ATRNL1: variants seen among roughly 807,000 people sequenced by gnomAD.
The protein encoded by ATRNL1 is attractin-like protein 1.
In ATRNL1, 95 loss-of-function variants were observed where a neutral mutation model predicts 182.7. The observed-to-expected ratio is 0.52, with a 90% confidence interval of 0.44 to 0.62. The LOEUF is 0.62. ATRNL1 is among the 20% of genes least tolerant of loss of function. ATRNL1 has a pLI of 0.00. For synonymous variants in ATRNL1, 576 were observed against 568.3 expected (o/e 1.01, Z -0.19); for missense variants, 1,471 against 1,679.5 (o/e 0.88, Z 2.17).
chr10:115,439,429 T>A (rs1554965303), intron 21 of ATRNL1, among the ~76,000 whole-genome samples: 1 of 151,736 alleles, frequency 6.6e-6, no homozygotes, highest in African/African-American at 2.4e-5. Flanking sequence ...GGCCCAATAG[T>A]GGAAATACTG....
At chr10:115,396,343 A>C (rs1301290477) in intron 20 of ATRNL1, among the ~76,000 whole-genome samples, 5 of 151,934 alleles carry the variant, frequency 3.3e-5, no homozygotes, top group Non-Finnish European at 7.4e-5. Flanking sequence ...TGCAACACTA[A>C]AGCTTGATTA....
At chr10:115,672,739 AT>A (rs1555041839) in intron 26 of ATRNL1, among the ~76,000 whole-genome samples, 1 of 152,132 alleles carries the variant, frequency 6.6e-6, no homozygotes, top group African/African-American at 2.4e-5. Context: ...AAGTTGTTAC[AT>A]TGGCCAATTT....
At chr10:115,674,657 C>G (rs968872426) in intron 26 of ATRNL1, among the ~76,000 whole-genome samples, 15 of 151,994 alleles carry the variant, frequency 9.9e-5, no homozygotes, top group African/African-American at 3.6e-4. Flanking sequence ...AGACTTTCTT[C>G]AAAAGAGATC....
chr10:115,872,428 G>A (rs1322189801), intron 28 of ATRNL1, among the ~76,000 whole-genome samples: 1 of 152,108 alleles, frequency 6.6e-6, no homozygotes, highest in Non-Finnish European at 1.5e-5. Flanking sequence ...TTGACTCTAG[G>A]TCACAAAGGT....
At chr10:115,352,206 T>A (rs1034951016) in intron 19 of ATRNL1, among the ~76,000 whole-genome samples, 3 of 152,104 alleles carry the variant, frequency 2.0e-5, no homozygotes, top group African/African-American at 7.2e-5. Flanking sequence ...ACTTTTTTTC[T>A]TAGTGTAGCT....
chr10:115,900,475 T>C (rs560305499), intron 28 of ATRNL1, among the ~76,000 whole-genome samples: 82 of 152,344 alleles, frequency 5.4e-4, no homozygotes, highest in Middle Eastern at 3.4e-3. Context: ...CAGGAGATAA[T>C]ATTTTTAAAA....
At chr10:115,810,082 T>C (rs1460881513) in intron 27 of ATRNL1, among the ~76,000 whole-genome samples, 7 of 151,970 alleles carry the variant, frequency 4.6e-5, no homozygotes, top group African/African-American at 1.7e-4. Flanking sequence ...GTTATTATGG[T>C]AAATTAAATT....
At chr10:115,870,703 G>T (rs782176699) in intron 28 of ATRNL1, among the ~76,000 whole-genome samples, 1 of 152,094 alleles carries the variant, frequency 6.6e-6, no homozygotes, top group Admixed American at 6.6e-5. Flanking sequence ...TTTATGAAAC[G>T]CAGTAAAACA....
At chr10:115,449,703 C>T (rs1847192265) in intron 21 of ATRNL1, among the ~76,000 whole-genome samples, 1 of 152,178 alleles carries the variant, frequency 6.6e-6, no homozygotes, top group African/African-American at 2.4e-5. Context: ...GCATGCTCCT[C>T]CTCCCACAAG....
intron 1 of ATRNL1, among the ~76,000 whole-genome samples, chr10:115,114,680 C>T (rs1262856074): frequency 6.6e-6 from 1 of 151,996 alleles, no homozygotes; most frequent in Non-Finnish European, 1.5e-5. Context: ...CAGATCAAAA[C>T]CACAATGGGA....
chr10:115,648,421 C>T (rs1283204495), intron 26 of ATRNL1, among the ~76,000 whole-genome samples: 1 of 152,174 alleles, frequency 6.6e-6, no homozygotes, highest in Non-Finnish European at 1.5e-5. Context: ...ATCAAGCTAC[C>T]AATGACTGTC....
chr10:115,796,868 G>T (rs1426442475), intron 27 of ATRNL1, among the ~76,000 whole-genome samples: 1 of 152,058 alleles, frequency 6.6e-6, no homozygotes, highest in Non-Finnish European at 1.5e-5. Context: ...AACTTAAAAA[G>T]AGCAATGTTC....
intron 24 of ATRNL1, among the ~76,000 whole-genome samples, chr10:115,518,005 T>G (rs2133697022): frequency 6.6e-6 from 1 of 152,064 alleles, no homozygotes; most frequent in South Asian, 2.1e-4. Flanking sequence ...GCTTAGAAGC[T>G]TGTAGGAAAT....
intron 5 of ATRNL1, among the ~76,000 whole-genome samples, chr10:115,155,123 C>T (rs1316923269): frequency 2.0e-5 from 3 of 151,944 alleles, no homozygotes; most frequent in Admixed American, 1.3e-4. Context: ...GTTACTCTTG[C>T]TCTTTTCTAG....
intron 19 of ATRNL1, among the ~76,000 whole-genome samples, chr10:115,384,508 A>G (rs978574801): frequency 6.6e-6 from 1 of 152,048 alleles, no homozygotes; most frequent in South Asian, 2.1e-4. Flanking sequence ...GCAGCAGCTC[A>G]ACTCTGCTTC....
chr10:115,648,008 A>G (rs1337130094), intron 26 of ATRNL1, among the ~76,000 whole-genome samples: 1 of 152,128 alleles, frequency 6.6e-6, no homozygotes, highest in Non-Finnish European at 1.5e-5. Flanking sequence ...TCAGCTCTCT[A>G]CATATGGCTA....
intron 26 of ATRNL1, among the ~76,000 whole-genome samples, chr10:115,700,471 G>A (rs1361370111): frequency 6.6e-6 from 1 of 152,006 alleles, no homozygotes; most frequent in African/African-American, 2.4e-5. Flanking sequence ...TTTTTCATAT[G>A]TATTTTAGCC....
chr10:115,931,321 C>G (rs572469412), intron 28 of ATRNL1, among the ~76,000 whole-genome samples: 1 of 152,038 alleles, frequency 6.6e-6, no homozygotes, highest in Non-Finnish European at 1.5e-5. Context: ...CTGATAGTAC[C>G]GTACTTCTGC....
rs782711043 is a variant in ATRNL1, at chr10:115,847,880, G to A, written c.3907G>A (p.Ala1303Thr). ...TEFLRGPLEGAPKPIAIEPCA... is the reference protein window; with the variant it reads ...TEFLRGPLEGTPKPIAIEPCA... ...TAAAGTGGGTTTTCTTTTTCAGGGGGCACCCAAGCCAATTGCCATTGAACC... is the reference window on the plus strand; with the variant it reads ...TAAAGTGGGTTTTCTTTTTCAGGGGACACCCAAGCCAATTGCCATTGAACC... Residue 1303 changes from alanine (A) to threonine (T), a missense_variant, in exon 28 of 29, where the codon GCA (alanine) becomes ACA (threonine). Transcript: ENST00000355044. The A allele has an allele frequency of 5.6e-6, 9 of 1,595,188 alleles. No individual in the cohort carries two copies. The highest frequency in any genetic ancestry group is 7.7e-6 in the Non-Finnish European group (9 of 1,163,482).
Sources: allele counts gnomAD v4.1 joint callset (sites outside exome capture counted in the v4.1 genomes callset), GRCh38; gene constraint gnomAD v4.1.1; transcripts MANE v1.5; gene names NCBI Gene and HGNC (gene_info 2026-07-23, HGNC 2026-07-21).